PRKCE: variants seen among roughly 807,000 people sequenced by gnomAD.
PRKCE encodes the protein protein kinase C epsilon type.
Under a neutral mutation model 85.4 loss-of-function variants are expected in PRKCE, and 16 were observed. The observed-to-expected ratio is 0.19, with a 90% confidence interval of 0.13 to 0.28. The LOEUF (loss-of-function observed/expected upper bound fraction) is 0.28. Ranked by LOEUF, PRKCE falls within the 10% of genes least tolerant of loss-of-function variation. The pLI, the probability that PRKCE is intolerant of heterozygous loss-of-function variation, is 1.00. For missense variants in PRKCE, 573 were observed against 975.2 expected (o/e 0.59, Z 5.49); for synonymous variants, 388 against 371.5 (o/e 1.04, Z -0.51).
intron 2 of PRKCE, among the ~76,000 whole-genome samples, chr2:45,889,843 CCA>C (rs1255742803): frequency 1.3e-5 from 2 of 152,246 alleles, no homozygotes; most frequent in Non-Finnish European, 2.9e-5. Context: ...CTCCAGTTAA[CCA>C]CACAGATTAA....
intron 2 of PRKCE, among the ~76,000 whole-genome samples, chr2:45,943,413 G>A (rs370345433): frequency 3.3e-5 from 5 of 152,354 alleles, no homozygotes; most frequent in South Asian, 2.1e-4. Flanking sequence ...AGAGGGCCAC[G>A]GAACTCACTG....
At chr2:46,163,881 G>A (rs978453305) in intron 14 of PRKCE, among the ~76,000 whole-genome samples, 2 of 144,682 alleles carry the variant, frequency 1.4e-5, no homozygotes, top group Non-Finnish European at 3.0e-5. Context: ...CAGAGGCCAC[G>A]GGAAAGGTGA....
chr2:46,084,117 T>A (rs1347497270), intron 10 of PRKCE, among the ~76,000 whole-genome samples: 1 of 152,170 alleles, frequency 6.6e-6, no homozygotes, highest in Non-Finnish European at 1.5e-5. Context: ...GTACTTCTGA[T>A]TACAAAATTG....
intron 10 of PRKCE, among the ~76,000 whole-genome samples, chr2:46,044,526 G>A (rs1708403263): frequency 6.6e-6 from 1 of 152,124 alleles, no homozygotes; most frequent in South Asian, 2.1e-4. Context: ...TTTTTGCACT[G>A]TGCTCAGATT....
At chr2:45,953,870 T>C (rs1177208347) in intron 2 of PRKCE, among the ~76,000 whole-genome samples, 1 of 152,312 alleles carries the variant, frequency 6.6e-6, no homozygotes, top group African/African-American at 2.4e-5. Context: ...CTAATTATTT[T>C]CGTGTACCTC....
chr2:45,749,487 A>G (rs1683381828), intron 1 of PRKCE, among the ~76,000 whole-genome samples: 1 of 152,220 alleles, frequency 6.6e-6, no homozygotes, highest in South Asian at 2.1e-4. Context: ...GGATGGATGA[A>G]TGTCTGACAT....
At chr2:45,954,373 T>G (rs1431977300) in intron 2 of PRKCE, among the ~76,000 whole-genome samples, 1 of 152,190 alleles carries the variant, frequency 6.6e-6, no homozygotes, top group Non-Finnish European at 1.5e-5. Context: ...AAGTTCCTTA[T>G]CAATATTGCA....
intron 1 of PRKCE, among the ~76,000 whole-genome samples, chr2:45,761,097 G>A (rs1684441044): frequency 6.6e-6 from 1 of 152,118 alleles, no homozygotes; most frequent in Non-Finnish European, 1.5e-5. Context: ...GGAGGCCAAG[G>A]TGGGCGGATC....
intron 1 of PRKCE, among the ~76,000 whole-genome samples, chr2:45,766,481 G>C (rs1001564935): frequency 1.3e-5 from 2 of 152,134 alleles, no homozygotes; most frequent in African/African-American, 4.8e-5. Context: ...GGTTAGATCG[G>C]AGAGATTCCT....
chr2:45,979,105 T>G, intron 4 of PRKCE, 95 bp downstream of exon 4: 1 of 1,176,214 alleles, frequency 8.5e-7, no homozygotes, highest in Admixed American at 1.9e-5. Context: ...TGATGACATT[T>G]GGAGGCTCTC....
chr2:46,063,272 G>C (rs1385179593), intron 10 of PRKCE, among the ~76,000 whole-genome samples: 1 of 151,864 alleles, frequency 6.6e-6, no homozygotes, highest in East Asian at 1.9e-4. Flanking sequence ...TGATATTCTA[G>C]GAGGAGAAAA....
chr2:45,699,877 G>C (rs1444180761), intron 1 of PRKCE, among the ~76,000 whole-genome samples: 4 of 152,172 alleles, frequency 2.6e-5, no homozygotes, highest in African/African-American at 4.8e-5. Flanking sequence ...TGTCTGATGA[G>C]TGGAGAAATG....
intron 10 of PRKCE, among the ~76,000 whole-genome samples, chr2:46,023,077 G>C (rs887994018): frequency 2.9e-5 from 3 of 103,106 alleles, no homozygotes; most frequent in African/African-American, 1.2e-4. Context: ...GCGACAGAGC[G>C]AGACTCCGTC....
At chr2:45,956,562 G>A (rs1200634049) in intron 2 of PRKCE, among the ~76,000 whole-genome samples, 2 of 152,022 alleles carry the variant, frequency 1.3e-5, no homozygotes, top group South Asian at 2.1e-4. Context: ...GCATGCACCT[G>A]TAGTCCCAGC....
intron 2 of PRKCE, among the ~76,000 whole-genome samples, chr2:45,920,370 G>C (rs534056001): frequency 7.4e-4 from 113 of 152,250 alleles, no homozygotes; most frequent in Admixed American, 3.1e-3. Flanking sequence ...TTCTTCAAAC[G>C]ATTAAACGTG....
Position 45,967,012 on chromosome 2 carries a change from A to G in PRKCE, c.413-9417A>G, listed in dbSNP as rs139617078. Among the ~76,000 whole-genome samples, 187 of 152,284 alleles carry G rather than the reference A, an allele frequency of 1.2e-3. 2 individuals are homozygous for G. Among genetic ancestry groups the G allele is most frequent in the African/African-American group, 4.3e-3 (177 of 41,556 alleles). ...GCCTGTTTTTGGAAAGATAAAAGAG[A>G]AAGAACCTGAACCATGGCTGTATAT... On this transcript the variant is annotated intron_variant, in intron 2 of 14. Coordinates refer to ENST00000306156, the MANE Select transcript of PRKCE (RefSeq NM_005400.3).
At chr2:46,161,488 A>G (rs986317561) in intron 14 of PRKCE, among the ~76,000 whole-genome samples, 8 of 152,196 alleles carry the variant, frequency 5.3e-5, no homozygotes, top group Non-Finnish European at 8.8e-5. Flanking sequence ...TCGAGTCTCC[A>G]GGTCTCAGCA....
chr2:46,049,048 T>C (rs1166284440), intron 10 of PRKCE, among the ~76,000 whole-genome samples: 2 of 152,062 alleles, frequency 1.3e-5, no homozygotes, highest in African/African-American at 4.8e-5. Flanking sequence ...TAGTCTAGAG[T>C]CCCAGGGCCT....
At chr2:45,827,962 TA>T (rs1690085579) in intron 1 of PRKCE, among the ~76,000 whole-genome samples, 1 of 152,212 alleles carries the variant, frequency 6.6e-6, no homozygotes, top group Non-Finnish European at 1.5e-5. Flanking sequence ...TCCTGTCTTA[TA>T]AAGAACTCGA....
Sources: allele counts gnomAD v4.1 joint callset (sites outside exome capture counted in the v4.1 genomes callset), GRCh38; gene constraint gnomAD v4.1.1; transcripts MANE v1.5; gene names NCBI Gene and HGNC (gene_info 2026-07-23, HGNC 2026-07-21).